PRKCA: variants seen among roughly 807,000 people sequenced by gnomAD.
The protein encoded by PRKCA is protein kinase C alpha.
In PRKCA, 27 loss-of-function variants were observed where a neutral mutation model predicts 87.0. The ratio of observed to expected loss-of-function variants is 0.31; its 90% confidence interval spans 0.23 to 0.43. The LOEUF is 0.43. PRKCA is among the 20% of genes least tolerant of loss of function. The pLI is 1.00. For missense variants in PRKCA, 518 were observed against 852.3 expected, an observed-to-expected ratio of 0.61 and a Z score of 4.88; for synonymous variants, 329 against 311.1, an observed-to-expected ratio of 1.06 and a Z score of -0.61.
rs187387732 is a variant in PRKCA, at chr17:66,760,565, T to C, written c.1525-13422T>C. Among the ~76,000 whole-genome samples, 256 of 151,944 alleles carry C rather than the reference T, an allele frequency of 1.7e-3. 1 individual carries two copies. The highest frequency in any genetic ancestry group is 5.6e-3 in the African/African-American group (233 of 41,466). On this transcript the variant is annotated intron_variant, in intron 13 of 16. Transcript: ENST00000413366. ...AAAACTAGAGCAGAAGCCAATGAAA[T>C]AGAAAATAGAAAACAGGGAAAGTCA...
intron 13 of PRKCA, among the ~76,000 whole-genome samples, chr17:66,773,088 C>T (rs1974976394): frequency 6.6e-6 from 1 of 152,136 alleles, no homozygotes; most frequent in Non-Finnish European, 1.5e-5. Flanking sequence ...GCCTCAGCCT[C>T]CCAAGTAGCT....
chr17:66,698,874 G>A (rs1598882206), intron 8 of PRKCA, among the ~76,000 whole-genome samples: 1 of 151,378 alleles, frequency 6.6e-6, no homozygotes, highest in Non-Finnish European at 1.5e-5. Context: ...CCAGTACTCG[G>A]GAGGCTGAGG....
intron 14 of PRKCA, among the ~76,000 whole-genome samples, chr17:66,784,539 G>A (rs752438784): frequency 2.0e-5 from 3 of 152,024 alleles, no homozygotes; most frequent in Non-Finnish European, 2.9e-5. Flanking sequence ...GAGCCACCAC[G>A]CCCAGCTACT....
chr17:66,466,784 G>A (rs1196233302), intron 2 of PRKCA, among the ~76,000 whole-genome samples: 1 of 151,968 alleles, frequency 6.6e-6, no homozygotes, highest in African/African-American at 2.4e-5. Context: ...AAGATTAGCA[G>A]TAAAAGCCTT....
chr17:66,326,559 T>G (rs1905994800), intron 2 of PRKCA, among the ~76,000 whole-genome samples: 1 of 152,198 alleles, frequency 6.6e-6, no homozygotes, highest in African/African-American at 2.4e-5. Flanking sequence ...AGGAGCATCC[T>G]CTTTTTTGTA....
chr17:66,645,989 T>C (rs1381702196), intron 5 of PRKCA, among the ~76,000 whole-genome samples: 3 of 152,226 alleles, frequency 2.0e-5, no homozygotes, highest in Admixed American at 2.0e-4. Flanking sequence ...GTGTTAGGTA[T>C]GGTGCTAGGA....
At chr17:66,631,906 TGA>T (rs1276634082) in intron 3 of PRKCA, among the ~76,000 whole-genome samples, 1 of 152,174 alleles carries the variant, frequency 6.6e-6, no homozygotes, top group African/African-American at 2.4e-5. Flanking sequence ...AACAATGTCT[TGA>T]GATGTTAATG....
chr17:66,446,753 C>T (rs947820637), intron 2 of PRKCA, among the ~76,000 whole-genome samples: 1 of 152,194 alleles, frequency 6.6e-6, no homozygotes, highest in Non-Finnish European at 1.5e-5. Context: ...GCCTCTAGAA[C>T]TGAGGTGTAC....
At chr17:66,657,464 C>T (rs545720081) in intron 5 of PRKCA, among the ~76,000 whole-genome samples, 2 of 152,258 alleles carry the variant, frequency 1.3e-5, no homozygotes, top group East Asian at 3.9e-4. Context: ...AAAAGAGACA[C>T]CTTCCTCACT....
intron 15 of PRKCA, among the ~76,000 whole-genome samples, chr17:66,787,580 A>G (rs1247752658): frequency 6.6e-6 from 1 of 152,204 alleles, no homozygotes. Flanking sequence ...ACATACAGCA[A>G]TTGGCACAAA....
intron 2 of PRKCA, among the ~76,000 whole-genome samples, chr17:66,461,774 G>A (rs139929204): frequency 3.8e-4 from 58 of 152,246 alleles, no homozygotes; most frequent in African/African-American, 1.2e-3. Context: ...TGGGTTTCAT[G>A]GTGGCCCATG....
At chr17:66,619,851 G>A (rs1391579238) in intron 3 of PRKCA, among the ~76,000 whole-genome samples, 1 of 152,110 alleles carries the variant, frequency 6.6e-6, no homozygotes, top group East Asian at 1.9e-4. Flanking sequence ...AAGACTATCT[G>A]GAAGTCTTTT....
At chr17:66,760,714 A>G (rs1974664431) in intron 13 of PRKCA, among the ~76,000 whole-genome samples, 1 of 152,222 alleles carries the variant, frequency 6.6e-6, no homozygotes, top group African/African-American at 2.4e-5. Flanking sequence ...GATCCCATGG[A>G]TGTTAAAGGA....
chr17:66,639,543 A>G (rs892912608), intron 3 of PRKCA, among the ~76,000 whole-genome samples: 2 of 151,980 alleles, frequency 1.3e-5, no homozygotes, highest in African/African-American at 4.8e-5. Flanking sequence ...ACACGCCACC[A>G]TGCCTGGGTA....
chr17:66,644,326 C>T (rs1181812535), intron 4 of PRKCA, among the ~76,000 whole-genome samples: 2 of 152,124 alleles, frequency 1.3e-5, no homozygotes, highest in South Asian at 2.1e-4. Context: ...CAAAATGAAA[C>T]GGAAAGGAAG....
At chr17:66,447,769 C>G (rs1018418965) in intron 2 of PRKCA, among the ~76,000 whole-genome samples, 8 of 152,214 alleles carry the variant, frequency 5.3e-5, no homozygotes, top group Non-Finnish European at 7.3e-5. Flanking sequence ...TCCGCTCATT[C>G]CAGTTTCACC....
At chr17:66,754,042 C>T (rs1199619705) in intron 13 of PRKCA, among the ~76,000 whole-genome samples, 1 of 151,944 alleles carries the variant, frequency 6.6e-6, no homozygotes, top group Non-Finnish European at 1.5e-5. Flanking sequence ...TTGTAATACT[C>T]CTATTTAGAT....
At chr17:66,399,216 A>T (rs1910875202) in intron 2 of PRKCA, among the ~76,000 whole-genome samples, 1 of 148,640 alleles carries the variant, frequency 6.7e-6, no homozygotes, top group South Asian at 2.1e-4. Context: ...CTCCCATCTC[A>T]GCCTTCCAAG....
chr17:66,568,306 T>C (rs1968960118), intron 3 of PRKCA, among the ~76,000 whole-genome samples: 1 of 152,152 alleles, frequency 6.6e-6, no homozygotes, highest in South Asian at 2.1e-4. Context: ...AGAATAAGAC[T>C]CTGTCTCAAA....
Sources: allele counts gnomAD v4.1 joint callset (sites outside exome capture counted in the v4.1 genomes callset), GRCh38; gene constraint gnomAD v4.1.1; transcripts MANE v1.5; gene names NCBI Gene and HGNC (gene_info 2026-07-23, HGNC 2026-07-21).